Variants in RNF11 observed in about 807,000 individuals in gnomAD.
RNF11 encodes the protein ring finger protein 11.
Under a neutral mutation model 15.8 loss-of-function variants are expected in RNF11, and 4 were observed. That is an observed-to-expected ratio of 0.25 (90% CI 0.12 to 0.58). The LOEUF (loss-of-function observed/expected upper bound fraction) is 0.58. Ranked by LOEUF, RNF11 falls within the 20% of genes least tolerant of loss-of-function variation. The pLI is 0.91. For missense variants in RNF11, 139 were observed against 194.4 expected (o/e 0.71, Z 1.70); for synonymous variants, 68 against 72.3 (o/e 0.94, Z 0.30).
At chr1:51,263,859 A>AT (rs1646941414) in intron 1 of RNF11, among the ~76,000 whole-genome samples, 1 of 152,150 alleles carries the variant, frequency 6.6e-6, no homozygotes, top group Non-Finnish European at 1.5e-5. Flanking sequence ...TGAAGTGTGT[A>AT]TTTTAAATAG....
At chr1:51,252,778 TGTC>T (rs934728276) in intron 1 of RNF11, among the ~76,000 whole-genome samples, 2 of 151,466 alleles carry the variant, frequency 1.3e-5, no homozygotes, top group Non-Finnish European at 2.9e-5. Flanking sequence ...TTTCGGGTAT[TGTC>T]TTTTGTGAAG....
intron 1 of RNF11, among the ~76,000 whole-genome samples, chr1:51,244,745 G>T (rs1388834714): frequency 6.6e-6 from 1 of 152,142 alleles, no homozygotes; most frequent in Non-Finnish European, 1.5e-5. Context: ...CCAGTTATTT[G>T]TTATTTGTGT....
intron 1 of RNF11, among the ~76,000 whole-genome samples, chr1:51,245,541 A>G (rs1315130839): frequency 6.7e-6 from 1 of 149,962 alleles, no homozygotes; most frequent in Admixed American, 6.6e-5. Context: ...AACTTCTGCC[A>G]CCTGGGTTCA....
At chr1:51,258,124 G>A (rs1488154934) in intron 1 of RNF11, among the ~76,000 whole-genome samples, 4 of 152,108 alleles carry the variant, frequency 2.6e-5, no homozygotes, top group Non-Finnish European at 5.9e-5. Context: ...AAAGTGCTGG[G>A]ATTACGGGTG....
In RNF11 at chr1:51,262,715, C is replaced by CTTTTTTTTTTTTT. The variant is rs35542254; in HGVS notation, c.124-7229_124-7217dup. On this transcript the variant is annotated intron_variant, in intron 1 of 2. Transcript: ENST00000242719. ...GTGTGCACTACCACCGCCTGCTAAT[C>CTTTTTTTTTTTTT]TTTTTTTTTTTTTTTTTTTTTTTTG... Among the ~76,000 whole-genome samples, 429 of 84,108 alleles carry CTTTTTTTTTTTTT rather than the reference C, an allele frequency of 5.1e-3. 1 individual carries two copies. Among genetic ancestry groups the CTTTTTTTTTTTTT allele is most frequent in the African/African-American group, 6.4e-3 (132 of 20,500 alleles). 55.2% of individuals were successfully genotyped at this position (84,108 alleles called of 152,430 possible). A position where few individuals can be genotyped will look rare whatever the true frequency, so the allele number is the denominator to read the frequency against.
At chr1:51,264,933 T>A (rs1323870842) in intron 1 of RNF11, 1 of 152,208 alleles carries the variant, frequency 6.6e-6, no homozygotes, top group East Asian at 1.9e-4. Flanking sequence ...TCCATCATTT[T>A]ATAGGTGCTT....
At chr1:51,270,333 C>T (rs961795409) in intron 2 of RNF11, among the ~76,000 whole-genome samples, 1 of 152,144 alleles carries the variant, frequency 6.6e-6, no homozygotes, top group Non-Finnish European at 1.5e-5. Flanking sequence ...TTTTCACAGG[C>T]CGAGCACAGT....
intron 1 of RNF11, among the ~76,000 whole-genome samples, chr1:51,245,400 A>C (rs991827264): frequency 6.6e-6 from 1 of 151,684 alleles, no homozygotes; most frequent in African/African-American, 2.4e-5. Flanking sequence ...CAGTCCACCC[A>C]CCTCGGCCTC....
chr1:51,248,078 C>G (rs1646860351), intron 1 of RNF11, among the ~76,000 whole-genome samples: 1 of 143,312 alleles, frequency 7.0e-6, no homozygotes, highest in Admixed American at 7.1e-5. Context: ...AAATACCATG[C>G]TTGATACCTA....
chr1:51,255,939 C>G (rs1646902450), intron 1 of RNF11, among the ~76,000 whole-genome samples: 1 of 152,100 alleles, frequency 6.6e-6, no homozygotes, highest in Non-Finnish European at 1.5e-5. Context: ...ATTGTTATGG[C>G]TATTCTTAGT....
At chr1:51,243,231 A>G (rs886239098) in intron 1 of RNF11, among the ~76,000 whole-genome samples, 24 of 152,202 alleles carry the variant, frequency 1.6e-4, no homozygotes, top group Non-Finnish European at 3.1e-4. Flanking sequence ...GTTACCTTCC[A>G]TATTGTAGAC....
chr1:51,240,059 C>A lies in RNF11; in HGVS notation c.123+3180C>A, dbSNP rs541576883. ...ACCCTTGTCCTCGCTAAGGCCTGTC[C>A]TCAATACAACAGCCACAGTTATTTT... On this transcript the variant is annotated intron_variant, in intron 1 of 2. Transcript: ENST00000242719. Among the ~76,000 whole-genome samples, 3 of 152,328 alleles carry A rather than the reference C, an allele frequency of 2.0e-5. No individual in the cohort carries two copies. In the South Asian group the frequency reaches 6.2e-4, roughly 32 times the overall value.
At chr1:51,246,701 A>T (rs1184999014) in intron 1 of RNF11, among the ~76,000 whole-genome samples, 4 of 152,242 alleles carry the variant, frequency 2.6e-5, no homozygotes, top group Non-Finnish European at 5.9e-5. Flanking sequence ...CTACAAGAAA[A>T]TATTTAGGCT....
chr1:51,271,202 G>A lies in RNF11; in HGVS notation c.345G>A (p.Leu115=). 6.2e-7 allele frequency: 1 copy of A among 1,614,052 alleles called. No individual in the cohort carries two copies. The highest frequency in any genetic ancestry group is 8.5e-7 in the Non-Finnish European group (1 of 1,179,930). The change falls in exon 3 of 3, where the codon CTG becomes CTA. Residue 115 remains leucine (L), a synonymous_variant. Transcript: ENST00000242719. ...TTTATGGGGACCCAATTCGATTTCT[G>A]CCGTGCATGCACATCTATCACCTGG... ...DFVYGDPIRF[L]PCMHIYHLDC...
intron 1 of RNF11, among the ~76,000 whole-genome samples, chr1:51,264,315 TATACACACAC>T (rs1215898215): frequency 8.3e-5 from 8 of 96,626 alleles, no homozygotes; most frequent in African/African-American, 3.6e-4. Context: ...TATATATATA[TATACACACAC>T]ACACACACAC....
intron 1 of RNF11, among the ~76,000 whole-genome samples, chr1:51,241,543 G>A (rs191238114): frequency 1.8e-4 from 28 of 152,304 alleles, no homozygotes; most frequent in Non-Finnish European, 2.9e-4. Context: ...GGTTTTTACC[G>A]TGTATATATA....
At chr1:51,247,513 T>A (rs1395817008) in intron 1 of RNF11, among the ~76,000 whole-genome samples, 6 of 151,326 alleles carry the variant, frequency 4.0e-5, no homozygotes, top group Non-Finnish European at 5.9e-5. Flanking sequence ...CTTGAACTCC[T>A]GGCCCCAAGC....
chr1:51,265,479 C>T (rs1646950575), intron 1 of RNF11, among the ~76,000 whole-genome samples: 1 of 152,158 alleles, frequency 6.6e-6, no homozygotes. Flanking sequence ...TTCTTAAAGG[C>T]AGATGATTTC....
chr1:51,251,393 G>A (rs1309376818), intron 1 of RNF11: 15 of 1,401,052 alleles, frequency 1.1e-5, no homozygotes, highest in African/African-American at 2.8e-5. Context: ...TGCCACTGCC[G>A]AAACCTCCGC....
Sources: allele counts gnomAD v4.1 joint callset (sites outside exome capture counted in the v4.1 genomes callset), GRCh38; gene constraint gnomAD v4.1.1; transcripts MANE v1.5; gene names NCBI Gene and HGNC (gene_info 2026-07-23, HGNC 2026-07-21).